The following DAPK1 variants were observed in gnomAD, a reference collection of about 807,000 sequenced individuals.
DAPK1 encodes the protein death associated protein kinase 1.
A neutral mutation model predicts 144.9 loss-of-function variants in DAPK1; 56 were observed. That is an observed-to-expected ratio of 0.39 (90% CI 0.31 to 0.48). The LOEUF is 0.48. Ranked by LOEUF, DAPK1 falls within the 20% of genes least tolerant of loss-of-function variation. The pLI, the probability that DAPK1 is intolerant of heterozygous loss-of-function variation, is 0.95. For synonymous variants in DAPK1, 690 were observed against 749.0 expected, an observed-to-expected ratio of 0.92 and a Z score of 1.29; for missense variants, 1,454 against 1,875.4, an observed-to-expected ratio of 0.78 and a Z score of 4.15.
intron 3 of DAPK1, among the ~76,000 whole-genome samples, chr9:87,627,020 T>C (rs1829515643): frequency 6.6e-6 from 1 of 152,138 alleles, no homozygotes; most frequent in East Asian, 1.9e-4. Context: ...GCTGGATGTT[T>C]AAATTTTTCT....
In DAPK1 at chr9:87,646,547, T is replaced by C; in HGVS notation, c.1218T>C (p.Asp406=). 6.2e-7 allele frequency: 1 copy of C among 1,609,402 alleles called. No individual in the cohort carries two copies. The change falls in exon 13 of 26, where the codon GAT becomes GAC. Residue 406 remains aspartate (D), a synonymous_variant. Coordinates refer to ENST00000408954, the MANE Select transcript of DAPK1 (RefSeq NM_004938.4). ...QLLIKRGSRI[D]VQDKGGSNAV... ...TCATTAAAAGAGGCTCGAGAATCGA[T>C]GTCCAGGATAAGGTCATAATTGTTT...
chr9:87,498,414 C>T (rs1824264680), intron 1 of DAPK1: 2 of 321,936 alleles, frequency 6.2e-6, no homozygotes, highest in Admixed American at 5.0e-5. Context: ...CGGGCGGCCG[C>T]ACGCCGGGTC....
chr9:87,506,420 G>A (rs1824596386), intron 2 of DAPK1, among the ~76,000 whole-genome samples: 1 of 152,222 alleles, frequency 6.6e-6, no homozygotes, highest in Admixed American at 6.5e-5. Context: ...CAGCCTTGCA[G>A]TTTGGAATGA....
At chr9:87,655,296 C>T (rs1281018683) in intron 17 of DAPK1, among the ~76,000 whole-genome samples, 1 of 152,202 alleles carries the variant, frequency 6.6e-6, no homozygotes, top group Admixed American at 6.5e-5. Flanking sequence ...ATCATCAGCA[C>T]ACCCTGACTT....
chr9:87,701,254 G>A (rs1329057136), intron 24 of DAPK1, among the ~76,000 whole-genome samples: 1 of 152,146 alleles, frequency 6.6e-6, no homozygotes, highest in Non-Finnish European at 1.5e-5. Flanking sequence ...AGGAAATAAA[G>A]TTGGATTCCT....
At chr9:87,699,455 G>A (rs550336626) in intron 23 of DAPK1, among the ~76,000 whole-genome samples, 10 of 152,280 alleles carry the variant, frequency 6.6e-5, no homozygotes, top group African/African-American at 1.7e-4. Flanking sequence ...GGATAGGACA[G>A]GAAAGGACAG....
chr9:87,501,103 T>C (rs2117987940), intron 2 of DAPK1, among the ~76,000 whole-genome samples: 1 of 152,312 alleles, frequency 6.6e-6, no homozygotes, highest in Middle Eastern at 3.4e-3. Context: ...CACGTGTCAC[T>C]GAGGGAAGAT....
chr9:87,692,954 T>A, intron 21 of DAPK1, among the ~76,000 whole-genome samples: 2 of 33,832 alleles, frequency 5.9e-5, no homozygotes, highest in African/African-American at 4.8e-4. Flanking sequence ...TGACTAGACT[T>A]TTTTTTTTTT....
At chr9:87,590,727 A>AG (rs1828103507) in intron 2 of DAPK1, among the ~76,000 whole-genome samples, 1 of 152,212 alleles carries the variant, frequency 6.6e-6, no homozygotes, top group South Asian at 2.1e-4. Context: ...AGCTAGGAAT[A>AG]CAGGCGTGTA....
chr9:87,602,536 A>C (rs1438591728), intron 2 of DAPK1, among the ~76,000 whole-genome samples: 1 of 152,142 alleles, frequency 6.6e-6, no homozygotes, highest in Non-Finnish European at 1.5e-5. Context: ...AATATAGAAC[A>C]TTTGGAGGTG....
In DAPK1 at chr9:87,585,048, T is replaced by C. The variant is rs1251513120; in HGVS notation, c.63-19906T>C. 2.0e-5 allele frequency among the ~76,000 whole-genome samples: 3 copies of C among 152,232 alleles called. No homozygotes were observed. The East Asian group carries it at 5.8e-4, about 29-fold the overall frequency. ...AAAATCAGGTTATTTGTTTTCTTGC[T>C]TTGGAGTTGAGTACCATGTATATAT... On this transcript the variant is annotated intron_variant, in intron 2 of 25. Coordinates refer to ENST00000408954, the MANE Select transcript of DAPK1 (RefSeq NM_004938.4).
At chr9:87,563,235 C>A (rs73494330) in intron 2 of DAPK1, among the ~76,000 whole-genome samples, 4,762 of 152,296 alleles carry the variant, frequency 0.031, 266 homozygotes, top group African/African-American at 0.11. Flanking sequence ...AGAATTTAGT[C>A]AACCAATCCA....
chr9:87,520,030 A>G (rs888904915), intron 2 of DAPK1, among the ~76,000 whole-genome samples: 1 of 152,154 alleles, frequency 6.6e-6, no homozygotes, highest in Non-Finnish European at 1.5e-5. Flanking sequence ...CAAACAGAAA[A>G]AAGGAAATTG....
chr9:87,571,242 T>C (rs1827318793), intron 2 of DAPK1, among the ~76,000 whole-genome samples: 1 of 151,982 alleles, frequency 6.6e-6, no homozygotes, highest in Non-Finnish European at 1.5e-5. Context: ...GCTTCTGCTC[T>C]CTGTTTCTCT....
intron 2 of DAPK1, among the ~76,000 whole-genome samples, chr9:87,563,179 T>A (rs943947428): frequency 3.3e-5 from 5 of 152,238 alleles, no homozygotes; most frequent in African/African-American, 1.2e-4. Context: ...CGGCATTCTT[T>A]CCTGGTAAAC....
At chr9:87,611,176 A>ATTTT (rs1564022412) in intron 3 of DAPK1, among the ~76,000 whole-genome samples, 21 of 151,616 alleles carry the variant, frequency 1.4e-4, no homozygotes, top group South Asian at 6.2e-4. Context: ...ATTTTTTTAA[A>ATTTT]AAATATACAG....
At chr9:87,521,506 G>A (rs559802143) in intron 2 of DAPK1, among the ~76,000 whole-genome samples, 111 of 152,312 alleles carry the variant, frequency 7.3e-4, no homozygotes, top group African/African-American at 2.5e-3. Context: ...GTCCAGGGTG[G>A]GCATTGAAGA....
chr9:87,561,187 G>A (rs1826902728), intron 2 of DAPK1, among the ~76,000 whole-genome samples: 1 of 152,170 alleles, frequency 6.6e-6, no homozygotes. Context: ...CTTTTGGGCA[G>A]CAAGAGTTGA....
intron 2 of DAPK1, among the ~76,000 whole-genome samples, chr9:87,515,821 A>G (rs959351203): frequency 2.0e-5 from 3 of 152,130 alleles, no homozygotes; most frequent in Non-Finnish European, 4.4e-5. Flanking sequence ...CTGCGGGGCA[A>G]GTAGCTGCCG....
Sources: gnomAD v4.1 joint callset for allele counts (sites outside exome capture counted in the v4.1 genomes callset) on GRCh38, gnomAD v4.1.1 for gene constraint, MANE v1.5 for transcripts, NCBI Gene and HGNC (gene_info 2026-07-23, HGNC 2026-07-21) for gene names.